The following EHMT1 variants were observed in gnomAD, a reference collection of about 807,000 sequenced individuals.
EHMT1 encodes the protein histone-lysine N-methyltransferase EHMT1.
EHMT1 carries 15 observed loss-of-function variants against 147.2 expected under a neutral mutation model. That is an observed-to-expected ratio of 0.10 (90% CI 0.07 to 0.16). The LOEUF is 0.16. EHMT1 is among the 10% of genes least tolerant of loss of function. The pLI is 1.00. For synonymous variants in EHMT1, 795 were observed against 709.6 expected (o/e 1.12, Z -1.91); for missense variants, 1,587 against 1,772.4 (o/e 0.90, Z 1.88).
chr9:137,684,033 TG>T (rs1225976674), intron 1 of EHMT1, among the ~76,000 whole-genome samples: 4 of 150,482 alleles, frequency 2.7e-5, no homozygotes, highest in Non-Finnish European at 4.4e-5. Context: ...TTTGTTTGTT[TG>T]TTTTTTTGCT....
intron 1 of EHMT1, among the ~76,000 whole-genome samples, chr9:137,679,646 C>CT (rs965858884): frequency 1.5e-4 from 23 of 152,022 alleles, no homozygotes; most frequent in Non-Finnish European, 2.9e-4. Flanking sequence ...TTTATGTTGT[C>CT]TTTTTTAAAA....
intron 25 of EHMT1, among the ~76,000 whole-genome samples, chr9:137,827,544 G>A (rs936897778): frequency 6.6e-6 from 1 of 152,206 alleles, no homozygotes; most frequent in African/African-American, 2.4e-5. Context: ...GACCATTGCA[G>A]TGGGCACCCA....
At chr9:137,629,933 C>G (rs1345996085) in intron 1 of EHMT1, among the ~76,000 whole-genome samples, 1 of 152,114 alleles carries the variant, frequency 6.6e-6, no homozygotes, top group African/African-American at 2.4e-5. Flanking sequence ...TTTTGCTTCT[C>G]TTTAACTTTT....
At chr9:137,710,066 C>T (rs10118305) in intron 1 of EHMT1, among the ~76,000 whole-genome samples, 5,909 of 151,906 alleles carry the variant, frequency 0.039, 383 homozygotes, top group African/African-American at 0.13. Flanking sequence ...CCTGCTGCTG[C>T]GTCGGGAGAG....
At chr9:137,691,016 G>A (rs551119417) in intron 1 of EHMT1, among the ~76,000 whole-genome samples, 3 of 151,970 alleles carry the variant, frequency 2.0e-5, no homozygotes, top group Admixed American at 6.6e-5. Flanking sequence ...TATTCACATT[G>A]TGCTGCTGTT....
chr9:137,764,769 G>C (rs1056000264), intron 10 of EHMT1: 2 of 152,136 alleles, frequency 1.3e-5, no homozygotes, highest in Admixed American at 1.3e-4. Flanking sequence ...TCAATCTGCT[G>C]CAATGTCTCT....
intron 1 of EHMT1, among the ~76,000 whole-genome samples, chr9:137,693,635 C>T (rs1202664163): frequency 2.2e-5 from 2 of 92,832 alleles, no homozygotes; most frequent in South Asian, 4.6e-4. Context: ...GGACGCTGGC[C>T]GATACCCCCC....
intron 16 of EHMT1, among the ~76,000 whole-genome samples, chr9:137,798,331 A>G (rs1404983564): frequency 1.3e-5 from 2 of 152,116 alleles, no homozygotes; most frequent in African/African-American, 4.8e-5. Flanking sequence ...GAGCATGGGA[A>G]TCAGAGGCTG....
intron 1 of EHMT1, among the ~76,000 whole-genome samples, chr9:137,647,094 T>A (rs1158887242): frequency 6.6e-6 from 1 of 152,188 alleles, no homozygotes; most frequent in Non-Finnish European, 1.5e-5. Context: ...AACACTGCAC[T>A]CTTCTGGTTT....
intron 3 of EHMT1, among the ~76,000 whole-genome samples, chr9:137,722,642 C>T (rs1053805721): frequency 4.6e-5 from 7 of 151,114 alleles, no homozygotes; most frequent in East Asian, 2.0e-4. Context: ...CTGGGCCCCA[C>T]GGAGGTGGTG....
chr9:137,630,049 G>A (rs1431771586), intron 1 of EHMT1, among the ~76,000 whole-genome samples: 2 of 152,232 alleles, frequency 1.3e-5, no homozygotes, highest in Non-Finnish European at 2.9e-5. Flanking sequence ...TTGAAATGGA[G>A]TCTCTTGGAT....
chr9:137,665,660 G>T (rs945114911), intron 1 of EHMT1, among the ~76,000 whole-genome samples: 2 of 152,236 alleles, frequency 1.3e-5, no homozygotes, highest in Non-Finnish European at 2.9e-5. Context: ...ATCCTGAGAG[G>T]CCCTACGAGC....
At chr9:137,665,299 TG>T (rs1180734698) in intron 1 of EHMT1, among the ~76,000 whole-genome samples, 1 of 152,176 alleles carries the variant, frequency 6.6e-6, no homozygotes, top group Non-Finnish European at 1.5e-5. Context: ...GGCCTCTCCC[TG>T]TAAGAAATTT....
chr9:137,768,346 T>TG (rs1446243261), intron 10 of EHMT1, among the ~76,000 whole-genome samples: 3 of 133,016 alleles, frequency 2.3e-5, no homozygotes, highest in Non-Finnish European at 3.3e-5. Context: ...ATTTTCTGTG[T>TG]GTTTTTTTTT....
At chr9:137,656,055 A>AAATTGTTTAT (rs1346674446) in intron 1 of EHMT1, among the ~76,000 whole-genome samples, 2 of 152,206 alleles carry the variant, frequency 1.3e-5, no homozygotes, top group African/African-American at 4.8e-5. Flanking sequence ...TTCAAGGGAA[A>AAATTGTTTAT]AATTGTTTAT....
At chr9:137,827,988 G>A (rs1277572804) in intron 25 of EHMT1, among the ~76,000 whole-genome samples, 1 of 152,192 alleles carries the variant, frequency 6.6e-6, no homozygotes, top group Non-Finnish European at 1.5e-5. Flanking sequence ...AGGGGAGGCC[G>A]TGCCCCTGTG....
intron 1 of EHMT1, among the ~76,000 whole-genome samples, chr9:137,704,170 TC>T (rs1222535744): frequency 6.6e-6 from 1 of 152,048 alleles, no homozygotes; most frequent in Non-Finnish European, 1.5e-5. Flanking sequence ...ATCAGGCCCC[TC>T]CCCCAATATT....
intron 1 of EHMT1, among the ~76,000 whole-genome samples, chr9:137,652,199 G>C (rs1589124514): frequency 6.6e-6 from 1 of 152,170 alleles, no homozygotes; most frequent in Admixed American, 6.6e-5. Flanking sequence ...GGTGGGAGAC[G>C]GTGATACGGA....
intron 25 of EHMT1, among the ~76,000 whole-genome samples, chr9:137,833,257 C>A (rs887460889): frequency 6.6e-6 from 1 of 152,246 alleles, no homozygotes; most frequent in African/African-American, 2.4e-5. Context: ...CTGGAAAGCC[C>A]CAGGTGCCTC....
Sources: allele counts gnomAD v4.1 joint callset (sites outside exome capture counted in the v4.1 genomes callset), GRCh38; gene constraint gnomAD v4.1.1; transcripts MANE v1.5; gene names NCBI Gene and HGNC (gene_info 2026-07-23, HGNC 2026-07-21).